DIAPH3: variants seen among roughly 807,000 people sequenced by gnomAD.
DIAPH3 encodes the protein diaphanous related formin 3.
A neutral mutation model predicts 144.3 loss-of-function variants in DIAPH3; 117 were observed. The observed-to-expected ratio is 0.81, with a 90% CI of 0.70 to 0.95. DIAPH3 has a LOEUF of 0.95. Among genes scored for constraint, DIAPH3 ranks in the 40% least tolerant of loss-of-function variants. DIAPH3 has a pLI of 0.00. For missense variants in DIAPH3, 1,421 were observed against 1,412.7 expected, an observed-to-expected ratio of 1.01 and a Z score of -0.09; for synonymous variants, 519 against 488.9, an observed-to-expected ratio of 1.06 and a Z score of -0.81.
intron 21 of DIAPH3, among the ~76,000 whole-genome samples, chr13:59,862,018 C>CA (rs1471718606): frequency 6.6e-6 from 1 of 152,056 alleles, no homozygotes; most frequent in Non-Finnish European, 1.5e-5. Context: ...TAAAAATAAT[C>CA]ACAACTTTCA....
intron 3 of DIAPH3, among the ~76,000 whole-genome samples, chr13:60,108,380 G>T (rs534820331): frequency 6.6e-6 from 1 of 152,014 alleles, no homozygotes; most frequent in Non-Finnish European, 1.5e-5. Flanking sequence ...AGGCTGAAGC[G>T]GGTGGATCAC....
At chr13:59,887,200 GCTAA>G (rs1219773270) in intron 20 of DIAPH3, among the ~76,000 whole-genome samples, 4 of 151,716 alleles carry the variant, frequency 2.6e-5, no homozygotes, top group Admixed American at 1.3e-4. Context: ...TGATAATATG[GCTAA>G]CTAATTAATT....
At chr13:60,141,033 T>A (rs2059414832) in intron 1 of DIAPH3, among the ~76,000 whole-genome samples, 1 of 152,168 alleles carries the variant, frequency 6.6e-6, no homozygotes, top group Non-Finnish European at 1.5e-5. Flanking sequence ...TACGAATCAC[T>A]ACATCACAAG....
At chr13:59,769,862 C>T (rs1400424219) in intron 27 of DIAPH3, among the ~76,000 whole-genome samples, 2 of 152,122 alleles carry the variant, frequency 1.3e-5, no homozygotes, top group East Asian at 3.9e-4. Context: ...TTTTAATTAT[C>T]TTGATTTAAA....
chr13:59,950,247 G>T (rs1449299706), intron 17 of DIAPH3, among the ~76,000 whole-genome samples: 1 of 152,018 alleles, frequency 6.6e-6, no homozygotes, highest in African/African-American at 2.4e-5. Flanking sequence ...CAGTGACATT[G>T]TCCCATATAT....
chr13:59,947,620 C>T (rs1354697880), intron 17 of DIAPH3, among the ~76,000 whole-genome samples: 1 of 151,890 alleles, frequency 6.6e-6, no homozygotes, highest in Non-Finnish European at 1.5e-5. Flanking sequence ...GACCCAGCTA[C>T]TCAGGAGGCT....
Position 59,861,488 on chromosome 13 carries a change from G to C in DIAPH3, c.2656C>G (p.Leu886Val). Reference protein sequence around the residue: ...ADQKTTLLHFLVEICEEKYPD... With the variant: ...ADQKTTLLHFVVEICEEKYPD... ...TACTTCTCTTCACATATTTCTACCA[G>C]GAAATGAAGTAGCGTTGTTTTCTGA... Residue 886 changes from leucine to valine, a missense_variant, in exon 22 of 28, where the codon CTG becomes GTG. Transcript: ENST00000400324. 1.2e-6 allele frequency: 2 copies of C among 1,613,736 alleles called. No individual in the cohort carries two copies.
intron 2 of DIAPH3, among the ~76,000 whole-genome samples, chr13:60,113,384 C>T (rs1453047515): frequency 6.6e-6 from 1 of 152,124 alleles, no homozygotes; most frequent in Non-Finnish European, 1.5e-5. Context: ...TTATTCAATT[C>T]ACTAAAGAAA....
At chr13:59,917,753 G>A (rs185258667) in intron 18 of DIAPH3, among the ~76,000 whole-genome samples, 1 of 151,804 alleles carries the variant, frequency 6.6e-6, no homozygotes, top group East Asian at 1.9e-4. Flanking sequence ...AGCCAGGTAT[G>A]GTGGCATGTG....
chr13:59,668,700 G>A (rs1566165508), intron 27 of DIAPH3, among the ~76,000 whole-genome samples: 1 of 152,098 alleles, frequency 6.6e-6, no homozygotes, highest in Admixed American at 6.5e-5. Context: ...GAATACTAAT[G>A]ACATTAATTT....
chr13:59,866,318 G>A (rs2043922661), intron 21 of DIAPH3, among the ~76,000 whole-genome samples: 1 of 151,982 alleles, frequency 6.6e-6, no homozygotes, highest in African/African-American at 2.4e-5. Flanking sequence ...TGGATCACAT[G>A]GAGCCAATGA....
intron 25 of DIAPH3, among the ~76,000 whole-genome samples, chr13:59,798,931 C>T (rs1351401927): frequency 6.6e-6 from 1 of 151,902 alleles, no homozygotes; most frequent in East Asian, 1.9e-4. Flanking sequence ...GCTAAGGAAA[C>T]AAGATTAGGG....
At chr13:59,811,372 T>C (rs1000658176) in intron 24 of DIAPH3, among the ~76,000 whole-genome samples, 1 of 152,176 alleles carries the variant, frequency 6.6e-6, no homozygotes, top group African/African-American at 2.4e-5. Context: ...TGAAATCTTG[T>C]AGTGGCTACT....
At chr13:59,960,724 C>A (rs2049708282) in intron 17 of DIAPH3, among the ~76,000 whole-genome samples, 1 of 151,990 alleles carries the variant, frequency 6.6e-6, no homozygotes. Flanking sequence ...TCAAGATCAC[C>A]CCCAAAGTCA....
intron 1 of DIAPH3, among the ~76,000 whole-genome samples, chr13:60,138,754 GGAAGGAGAAGGA>G (rs71773510): frequency 8.2e-6 from 1 of 121,980 alleles, no homozygotes; most frequent in African/African-American, 3.1e-5. Flanking sequence ...CTAACAGGAA[GGAAGGAGAAGGA>G]GAAGGAGAAG....
At chr13:59,999,329 A>G (rs2052392543) in intron 9 of DIAPH3, among the ~76,000 whole-genome samples, 1 of 152,204 alleles carries the variant, frequency 6.6e-6, no homozygotes, top group African/African-American at 2.4e-5. Flanking sequence ...TTTAATTTAT[A>G]AAAATATTGC....
intron 22 of DIAPH3, among the ~76,000 whole-genome samples, chr13:59,840,512 G>C (rs1351274977): frequency 1.3e-5 from 2 of 151,768 alleles, no homozygotes; most frequent in Non-Finnish European, 2.9e-5. Context: ...ATAGTAAGGA[G>C]ACATTAAAAA....
chr13:60,060,655 A>G (rs1251473662), intron 4 of DIAPH3, among the ~76,000 whole-genome samples: 3 of 152,104 alleles, frequency 2.0e-5, no homozygotes, highest in Admixed American at 6.6e-5. Flanking sequence ...ATTGTCTCAT[A>G]CGCCTTTTAT....
intron 17 of DIAPH3, among the ~76,000 whole-genome samples, chr13:59,929,461 C>T (rs1566531598): frequency 6.6e-6 from 1 of 151,052 alleles, no homozygotes; most frequent in East Asian, 1.9e-4. Flanking sequence ...CTACTGTTAA[C>T]ACTGCTATCA....
Sources: allele counts gnomAD v4.1 joint callset (sites outside exome capture counted in the v4.1 genomes callset), GRCh38; gene constraint gnomAD v4.1.1; transcripts MANE v1.5; gene names NCBI Gene and HGNC (gene_info 2026-07-23, HGNC 2026-07-21).